Variants in SMPDL3B observed in about 807,000 individuals in gnomAD.
SMPDL3B encodes the protein acid sphingomyelinase-like phosphodiesterase 3b.
In SMPDL3B, 31 loss-of-function variants were observed where a neutral mutation model predicts 37.9. That is an observed-to-expected ratio of 0.82 (90% CI 0.61 to 1.10). The LOEUF (loss-of-function observed/expected upper bound fraction) is 1.10, where lower values mean the gene tolerates loss of function less well. Among genes scored for constraint, SMPDL3B ranks in the 50% least tolerant of loss-of-function variants. SMPDL3B has a pLI of 0.00. For missense variants in SMPDL3B, 525 were observed against 597.8 expected (o/e 0.88, Z 1.27); for synonymous variants, 235 against 242.6 (o/e 0.97, Z 0.29).
Position 27,958,803 on chromosome 1 carries a change from A to T in SMPDL3B, c.1333A>T (p.Met445Leu). 1 of 1,606,532 alleles carries T rather than the reference A, an allele frequency of 6.2e-7. No individual in the cohort carries two copies. Among genetic ancestry groups the T allele is most frequent in the Non-Finnish European group, 8.5e-7 (1 of 1,175,264 alleles). ...CGTGCCCCAGCTCCCGCTGCTGCTG[A>T]TGGCCCTGCTGGGCCTGTGCACGCT... ...TPVPQLPLLL[M>L]ALLGLCTLVL The change falls in exon 8 of 8, where the codon ATG becomes TTG. Residue 445 changes from methionine (M) to leucine (L), a missense_variant. Coordinates refer to ENST00000373894, the MANE Select transcript of SMPDL3B (RefSeq NM_014474.4). The surrounding 1 kb of genome is among the most constrained non-coding windows in gnomAD (Gnocchi z 5.6).
chr1:27,947,463 C>T (rs995230670), intron 2 of SMPDL3B, among the ~76,000 whole-genome samples: 2 of 151,418 alleles, frequency 1.3e-5, no homozygotes, highest in Non-Finnish European at 2.9e-5. Flanking sequence ...AAGAGAGCTG[C>T]AGTCCCTTTG....
At chr1:27,956,306 G>T in intron 7 of SMPDL3B, 5 of 1,493,516 alleles carry the variant, frequency 3.3e-6, no homozygotes, top group Non-Finnish European at 4.4e-6. Context: ...GACTGTCACA[G>T]CTTCATACCT....
intron 1 of SMPDL3B, chr1:27,938,943 T>C (rs2090330963): frequency 2.0e-5 from 3 of 152,196 alleles, no homozygotes; most frequent in Non-Finnish European, 2.9e-5. Context: ...CGTAGCCCCA[T>C]TGTAAGTCAA....
At chr1:27,951,542 G>A (rs146184719) in intron 3 of SMPDL3B, among the ~76,000 whole-genome samples, 71 of 152,316 alleles carry the variant, frequency 4.7e-4, no homozygotes, top group African/African-American at 1.7e-3. Flanking sequence ...AGGCACGCAA[G>A]GCAAACAAAT....
chr1:27,958,994 G>A lies in SMPDL3B; in HGVS notation c.*156G>A. The A allele has an allele frequency of 2.3e-6, 2 of 886,922 alleles. No individual in the cohort carries two copies. The highest frequency in any genetic ancestry group is 3.3e-6 in the Non-Finnish European group (2 of 600,962). The allele number at this position is 886,922 out of a possible 1,614,324, so 54.9% of individuals were successfully genotyped here. ...GAAGCCCCAGGAGCTGCAGCCATCCGTGATCGCGCCACTGCACTCCAGCCT... is the reference window on the plus strand; with the variant it reads ...GAAGCCCCAGGAGCTGCAGCCATCCATGATCGCGCCACTGCACTCCAGCCT... On this transcript the variant is annotated 3_prime_UTR_variant, in exon 8 of 8. Transcript: ENST00000373894. The surrounding 1 kb of genome is among the most constrained non-coding windows in gnomAD (Gnocchi z 5.6).
intron 2 of SMPDL3B, among the ~76,000 whole-genome samples, chr1:27,947,331 C>T (rs2090418490): frequency 1.3e-5 from 2 of 152,256 alleles, no homozygotes; most frequent in South Asian, 2.1e-4. Flanking sequence ...CCACTGCACC[C>T]GGCCACAGTT....
intron 1 of SMPDL3B, among the ~76,000 whole-genome samples, chr1:27,943,851 C>CAA (rs535837211): frequency 1.4e-4 from 20 of 138,534 alleles, no homozygotes; most frequent in African/African-American, 4.8e-4. Flanking sequence ...AATACAAATA[C>CAA]AAAAAAAAAA....
In SMPDL3B at chr1:27,958,430, A is replaced by G. The variant is rs1638359733; in HGVS notation, c.1006-46A>G. 1.3e-6 allele frequency: 2 copies of G among 1,554,530 alleles called. No individual in the cohort carries two copies. The highest frequency in any genetic ancestry group is 1.4e-5 in the African/African-American group (1 of 73,818). ...ATGCAAGGTGCAGGATGGGGATGGA[A>G]GCAGACAACTGCTCACAGCCGGTCT... On this transcript the variant is annotated intron_variant, in intron 7 of 7. Coordinates refer to ENST00000373894, the MANE Select transcript of SMPDL3B (RefSeq NM_014474.4). This position sits in a 1 kb window ranked among gnomAD's most constrained non-coding sequence, Gnocchi z 5.6.
At chr1:27,953,110 A>G in intron 3 of SMPDL3B, 105 bp from the exon 4 acceptor site, 1 of 800,396 alleles carries the variant, frequency 1.2e-6, no homozygotes, top group Non-Finnish European at 2.1e-6. Context: ...CATCTGTGCT[A>G]TCGCTCTTCC....
intron 3 of SMPDL3B, among the ~76,000 whole-genome samples, chr1:27,952,015 G>C (rs960079432): frequency 1.3e-5 from 2 of 152,184 alleles, no homozygotes; most frequent in African/African-American, 4.8e-5. Context: ...TAGTTATTGA[G>C]CATCCACTAT....
At chr1:27,940,546 G>C (rs577854739) in intron 1 of SMPDL3B, among the ~76,000 whole-genome samples, 5 of 152,092 alleles carry the variant, frequency 3.3e-5, no homozygotes, top group African/African-American at 4.8e-5. Flanking sequence ...CCAGGGGAAG[G>C]TTCCGCTGTT....
chr1:27,950,135 T>C (rs969233949), intron 3 of SMPDL3B, among the ~76,000 whole-genome samples: 4 of 152,164 alleles, frequency 2.6e-5, no homozygotes, highest in African/African-American at 4.8e-5. Flanking sequence ...CTGCCCTTAC[T>C]GTCTGTTCCC....
rs1040361988 is a variant in SMPDL3B, at chr1:27,956,853, T to C, written c.1005+771T>C. On this transcript the variant is annotated intron_variant, in intron 7 of 7. Transcript: ENST00000373894. ...TATGGGAGGTGTGTACTGTGTTAGATAGGTGGGAAGGGGAAGTGTCCACAT... is the reference window on the plus strand; with the variant it reads ...TATGGGAGGTGTGTACTGTGTTAGACAGGTGGGAAGGGGAAGTGTCCACAT... Among the ~76,000 whole-genome samples the C allele has an allele frequency of 3.3e-5, 5 of 150,138 alleles. No homozygotes were observed. The East Asian group carries it at 5.8e-4, about 17-fold the overall frequency.
intron 3 of SMPDL3B, among the ~76,000 whole-genome samples, chr1:27,950,348 C>T (rs1318953032): frequency 2.6e-5 from 4 of 152,192 alleles, no homozygotes; most frequent in African/African-American, 9.7e-5. Context: ...CCGAGCTAGT[C>T]GGTTCCGAGG....
intron 4 of SMPDL3B, among the ~76,000 whole-genome samples, chr1:27,953,724 T>C (rs766222763): frequency 6.6e-6 from 1 of 152,240 alleles, no homozygotes; most frequent in African/African-American, 2.4e-5. Flanking sequence ...TGGATAACTC[T>C]GTCGCAGACA....
At chr1:27,937,863 A>ACGG (rs1211497696) in intron 1 of SMPDL3B, among the ~76,000 whole-genome samples, 1 of 152,200 alleles carries the variant, frequency 6.6e-6, no homozygotes, top group African/African-American at 2.4e-5. Flanking sequence ...TAGCTAAAAT[A>ACGG]CGGCCTGGGC....
At chr1:27,957,557 T>A (rs1310218104) in intron 7 of SMPDL3B, among the ~76,000 whole-genome samples, 1 of 152,022 alleles carries the variant, frequency 6.6e-6, no homozygotes, top group Non-Finnish European at 1.5e-5. Context: ...AGAGATGTGA[T>A]CTGGGAGTGG....
chr1:27,943,301 C>T (rs996465455), intron 1 of SMPDL3B, among the ~76,000 whole-genome samples: 1 of 152,208 alleles, frequency 6.6e-6, no homozygotes, highest in Non-Finnish European at 1.5e-5. Flanking sequence ...TTTGCTTAAT[C>T]AGCCATTTAC....
At chr1:27,939,331 G>A (rs777962964) in intron 1 of SMPDL3B, among the ~76,000 whole-genome samples, 2 of 152,098 alleles carry the variant, frequency 1.3e-5, no homozygotes, top group Non-Finnish European at 1.5e-5. Context: ...CCCATATCAT[G>A]TATGATTTTA....
Sources: allele counts gnomAD v4.1 joint callset (sites outside exome capture counted in the v4.1 genomes callset), GRCh38; gene constraint gnomAD v4.1.1; non-coding constraint Gnocchi (gnomAD v3.1); transcripts MANE v1.5; gene names NCBI Gene and HGNC (gene_info 2026-07-23, HGNC 2026-07-21).